SMIM14: variants seen among roughly 807,000 people sequenced by gnomAD.
SMIM14 encodes the protein small integral membrane protein 14, also known as chromosome 4 open reading frame 34.
A neutral mutation model predicts 12.6 loss-of-function variants in SMIM14; 5 were observed. The ratio of observed to expected loss-of-function variants is 0.40; its 90% confidence interval spans 0.21 to 0.83. The LOEUF is 0.83. Among genes scored for constraint, SMIM14 ranks in the 40% least tolerant of loss-of-function variants. The pLI is 0.37. For synonymous variants in SMIM14, 30 were observed against 40.1 expected, an observed-to-expected ratio of 0.75 and a Z score of 0.95; for missense variants, 86 against 119.1, an observed-to-expected ratio of 0.72 and a Z score of 1.29.
chr4:39,614,276 T>C (rs1047130484), intron 1 of SMIM14, among the ~76,000 whole-genome samples: 4 of 149,970 alleles, frequency 2.7e-5, no homozygotes, highest in Non-Finnish European at 4.4e-5. Context: ...GGACAATAAG[T>C]TGATAATTAT....
At chr4:39,576,253 A>C (rs2110013772) in intron 2 of SMIM14, among the ~76,000 whole-genome samples, 1 of 151,414 alleles carries the variant, frequency 6.6e-6, no homozygotes, top group East Asian at 1.9e-4. Context: ...GAATGAACAC[A>C]TATTTTTTAA....
At chr4:39,624,845 G>A (rs937077080) in intron 1 of SMIM14, among the ~76,000 whole-genome samples, 3 of 147,324 alleles carry the variant, frequency 2.0e-5, no homozygotes, top group Admixed American at 6.9e-5. Flanking sequence ...CTTCCTATTC[G>A]TTCTTAGTAA....
intron 3 of SMIM14, among the ~76,000 whole-genome samples, chr4:39,566,464 G>A (rs1410390124): frequency 6.6e-6 from 1 of 152,112 alleles, no homozygotes; most frequent in East Asian, 1.9e-4. Flanking sequence ...CAGGGGCTAA[G>A]TCCTGGAGCA....
intron 2 of SMIM14, among the ~76,000 whole-genome samples, chr4:39,583,058 C>T (rs1713600696): frequency 6.6e-6 from 1 of 152,114 alleles, no homozygotes; most frequent in African/African-American, 2.4e-5. Context: ...TCCCAAAGTA[C>T]TGGGATTACA....
At chr4:39,572,266 C>T (rs375084531) in intron 3 of SMIM14, 149 bp downstream of exon 3, 194 of 527,708 alleles carry the variant, frequency 3.7e-4, no homozygotes, top group African/African-American at 2.1e-3. Context: ...TTCTTTTGTG[C>T]GTATGTGTCG....
At position 39,549,045 on chromosome 4, in the gene SMIM14, A is replaced by G. The variant is rs933230596; in HGVS notation, c.*3081T>C. On this transcript the variant is annotated 3_prime_UTR_variant, in exon 5 of 5. Transcript: ENST00000295958. Reference sequence around the variant, plus strand: ...CCCCATCTCTACTAAAGATACAAAAATTAGCTGGGCGTGGTGGTGGGCACT... The same window carrying G: ...CCCCATCTCTACTAAAGATACAAAAGTTAGCTGGGCGTGGTGGTGGGCACT... 1 of 152,140 alleles carries G rather than the reference A, an allele frequency of 6.6e-6. No individual in the cohort carries two copies. Among genetic ancestry groups the G allele is most frequent in the African/African-American group, 2.4e-5 (1 of 41,432 alleles). 9.4% of individuals were successfully genotyped at this position (152,140 alleles called of 1,614,324 possible).
chr4:39,602,823 T>C (rs1578349495), intron 2 of SMIM14, among the ~76,000 whole-genome samples: 1 of 152,120 alleles, frequency 6.6e-6, no homozygotes, highest in East Asian at 1.9e-4. Context: ...AGTACATCAT[T>C]CACAAGAAAC....
intron 1 of SMIM14, among the ~76,000 whole-genome samples, chr4:39,637,237 C>G (rs1368066130): frequency 6.6e-6 from 1 of 152,054 alleles, no homozygotes; most frequent in African/African-American, 2.4e-5. Flanking sequence ...TTATCAACAT[C>G]TTCTCTATTA....
intron 3 of SMIM14, among the ~76,000 whole-genome samples, chr4:39,565,085 G>A (rs999094418): frequency 6.6e-6 from 1 of 152,148 alleles, no homozygotes; most frequent in Non-Finnish European, 1.5e-5. Flanking sequence ...AAGTGTGGTG[G>A]CACACACCTG....
intron 1 of SMIM14, 92 bp downstream of exon 1, chr4:39,638,647 C>A (rs1471009125): frequency 1.0e-6 from 1 of 976,874 alleles, no homozygotes; most frequent in Non-Finnish European, 1.2e-6. Context: ...GCAGCCGCCG[C>A]AGTCCCCGAG....
intron 1 of SMIM14, among the ~76,000 whole-genome samples, chr4:39,615,143 C>T (rs1318904069): frequency 6.6e-6 from 1 of 151,966 alleles, no homozygotes; most frequent in Non-Finnish European, 1.5e-5. Flanking sequence ...CTGTGTTGCC[C>T]AGGCTGATCT....
At chr4:39,615,740 A>C (rs1490551262) in intron 1 of SMIM14, among the ~76,000 whole-genome samples, 1 of 152,180 alleles carries the variant, frequency 6.6e-6, no homozygotes, top group African/African-American at 2.4e-5. Flanking sequence ...TCAATGAAAC[A>C]AGACTGGCCA....
At chr4:39,629,552 C>T (rs1369623222) in intron 1 of SMIM14, among the ~76,000 whole-genome samples, 1 of 150,618 alleles carries the variant, frequency 6.6e-6, no homozygotes, top group African/African-American at 2.4e-5. Flanking sequence ...AAGCCATCTT[C>T]CCACCTCAAC....
chr4:39,553,450 A>G lies in SMIM14; in HGVS notation c.268-1292T>C, dbSNP rs186096036. On this transcript the variant is annotated intron_variant, in intron 4 of 4. Coordinates refer to ENST00000295958, the MANE Select transcript of SMIM14 (RefSeq NM_174921.3). Reference sequence around the variant, plus strand: ...GAATTTACTCTTTGATATGAAAGTAACAAAGCTATACAAAGAAAGTAAGAA... The same window carrying G: ...GAATTTACTCTTTGATATGAAAGTAGCAAAGCTATACAAAGAAAGTAAGAA... Among the ~76,000 whole-genome samples, 4 of 152,330 alleles carry G rather than the reference A, an allele frequency of 2.6e-5. No individual in the cohort carries two copies. In the East Asian group the frequency reaches 5.8e-4, roughly 22 times the overall value.
intron 1 of SMIM14, among the ~76,000 whole-genome samples, chr4:39,610,423 T>C (rs1714981985): frequency 6.6e-6 from 1 of 151,896 alleles, no homozygotes; most frequent in African/African-American, 2.4e-5. Flanking sequence ...AAATCATGGA[T>C]TATTTAATAA....
intron 3 of SMIM14, 152 bp from the exon 4 acceptor site, chr4:39,556,722 C>G: frequency 5.3e-6 from 4 of 751,380 alleles, no homozygotes; most frequent in Non-Finnish European, 7.9e-6. Context: ...ATTTCCCTTT[C>G]CCCCAGTGAG....
intron 4 of SMIM14, among the ~76,000 whole-genome samples, chr4:39,554,495 C>T (rs1305113373): frequency 3.9e-5 from 6 of 152,036 alleles, no homozygotes; most frequent in Non-Finnish European, 8.8e-5. Context: ...GTAATCCCAG[C>T]TACTCGGTAG....
At chr4:39,600,822 G>C (rs1436561512) in intron 2 of SMIM14, among the ~76,000 whole-genome samples, 3 of 152,292 alleles carry the variant, frequency 2.0e-5, no homozygotes, top group African/African-American at 4.8e-5. Flanking sequence ...AGTGAGCAGA[G>C]ATCGCGCCAT....
intron 2 of SMIM14, among the ~76,000 whole-genome samples, chr4:39,577,194 C>T (rs1215471816): frequency 6.6e-6 from 1 of 152,000 alleles, no homozygotes; most frequent in Non-Finnish European, 1.5e-5. Context: ...GAGGAGGCTT[C>T]CCTTTGATGC....
Sources: gnomAD v4.1 joint callset for allele counts (sites outside exome capture counted in the v4.1 genomes callset) on GRCh38, gnomAD v4.1.1 for gene constraint, MANE v1.5 for transcripts, NCBI Gene and HGNC (gene_info 2026-07-23, HGNC 2026-07-21) for gene names.